Variants in CAPZB observed in about 807,000 individuals in gnomAD.
The protein encoded by CAPZB is capping actin protein of muscle Z-line subunit beta, also known as F-actin-capping protein subunit beta.
In CAPZB, 2 loss-of-function variants were observed where a neutral mutation model predicts 38.1. The ratio of observed to expected loss-of-function variants is 0.05; its 90% CI spans 0.02 to 0.17. The LOEUF (loss-of-function observed/expected upper bound fraction) is 0.17. Ranked by LOEUF, CAPZB falls within the 10% of genes least tolerant of loss-of-function variation. CAPZB has a pLI of 1.00. For missense variants in CAPZB, 161 were observed against 334.2 expected (o/e 0.48, Z 4.04); for synonymous variants, 107 against 127.4 (o/e 0.84, Z 1.08).
chr1:19,391,973 G>A (rs943475686), intron 2 of CAPZB, among the ~76,000 whole-genome samples: 2 of 152,160 alleles, frequency 1.3e-5, no homozygotes, highest in Admixed American at 6.5e-5. Context: ...TTGAGTTCAG[G>A]AGTTCAAGAC....
At chr1:19,442,103 C>T (rs1318842063) in intron 1 of CAPZB, among the ~76,000 whole-genome samples, 2 of 150,528 alleles carry the variant, frequency 1.3e-5, no homozygotes, top group Non-Finnish European at 2.9e-5. Context: ...AGGGCTCTGT[C>T]ATCTTTAAAC....
chr1:19,342,333 G>A (rs779544393), intron 8 of CAPZB, among the ~76,000 whole-genome samples: 4 of 152,240 alleles, frequency 2.6e-5, no homozygotes, highest in Non-Finnish European at 5.9e-5. Context: ...GCAGCGGGGA[G>A]GCTTATGTGG....
intron 8 of CAPZB, among the ~76,000 whole-genome samples, chr1:19,343,991 C>T (rs1169947388): frequency 2.0e-5 from 3 of 152,272 alleles, no homozygotes; most frequent in South Asian, 2.1e-4. Flanking sequence ...CAGAGGCAGC[C>T]GGGCTGCCCG....
rs60458604 is a variant in CAPZB, at chr1:19,422,729, A to AAACAACAACAACAAC, written c.4-2994_4-2980dup. On this transcript the variant is annotated intron_variant, in intron 1 of 8. Coordinates refer to ENST00000264202, the MANE Select transcript of CAPZB (RefSeq NM_004930.5). ...GCGACAGAGCGAGACTCCATCTCAA[A>AAACAACAACAACAAC]AACAACAACAACAACAACAACAACA... Among the ~76,000 whole-genome samples the AAACAACAACAACAAC allele has an allele frequency of 4.4e-3, 664 of 150,446 alleles. 7 individuals are homozygous for AAACAACAACAACAAC. The highest frequency in any genetic ancestry group is 0.021 in the South Asian group (99 of 4,702).
intron 1 of CAPZB, chr1:19,448,922 G>A (rs1227632263): frequency 5.6e-6 from 9 of 1,612,792 alleles, no homozygotes; most frequent in East Asian, 2.2e-5. Flanking sequence ...CATTGGAGGA[G>A]GTGATGGGTT....
At chr1:19,351,656 G>A (rs543089883) in intron 6 of CAPZB, among the ~76,000 whole-genome samples, 3 of 152,306 alleles carry the variant, frequency 2.0e-5, no homozygotes, top group East Asian at 1.9e-4. Flanking sequence ...AGGTCACACA[G>A]CTGGAAAGTT....
At chr1:19,423,363 G>A (rs2094408952) in intron 1 of CAPZB, among the ~76,000 whole-genome samples, 1 of 152,020 alleles carries the variant, frequency 6.6e-6, no homozygotes, top group Non-Finnish European at 1.5e-5. Context: ...ACCGGAGAAT[G>A]AAGCAGATGT....
chr1:19,402,814 G>A (rs1333933619), intron 2 of CAPZB, among the ~76,000 whole-genome samples: 1 of 152,170 alleles, frequency 6.6e-6, no homozygotes, highest in Non-Finnish European at 1.5e-5. Flanking sequence ...TTGGAAGGCC[G>A]AGGCGGGTAG....
chr1:19,359,138 C>T (rs1188082230), intron 4 of CAPZB, among the ~76,000 whole-genome samples: 2 of 149,802 alleles, frequency 1.3e-5, no homozygotes, highest in African/African-American at 4.9e-5. Context: ...TATGTCTCAC[C>T]AAAGCTATTA....
chr1:19,362,648 AAAAGAAAAAAG>A (rs1199513279), intron 4 of CAPZB, among the ~76,000 whole-genome samples: 1 of 152,118 alleles, frequency 6.6e-6, no homozygotes, highest in Non-Finnish European at 1.5e-5. Context: ...CTCTATAAAA[AAAAGAAAAAAG>A]AAAGAAAAAA....
intron 4 of CAPZB, among the ~76,000 whole-genome samples, chr1:19,370,969 G>A (rs1205780035): frequency 3.3e-5 from 5 of 152,160 alleles, no homozygotes; most frequent in African/African-American, 1.2e-4. Context: ...CCCCATGAGG[G>A]AGGGACTGGG....
At chr1:19,355,268 C>T (rs937148604) in intron 6 of CAPZB, among the ~76,000 whole-genome samples, 22 of 152,068 alleles carry the variant, frequency 1.4e-4, no homozygotes, top group South Asian at 4.2e-4. Context: ...CCGAGGTGGG[C>T]GGATCACTTG....
intron 1 of CAPZB, among the ~76,000 whole-genome samples, chr1:19,422,242 T>C (rs1180620806): frequency 6.6e-6 from 1 of 152,132 alleles, no homozygotes; most frequent in Admixed American, 6.5e-5. Flanking sequence ...AAGAAACTAC[T>C]GACATCTAAT....
chr1:19,412,320 G>C (rs1207941846), intron 2 of CAPZB, among the ~76,000 whole-genome samples: 1 of 152,186 alleles, frequency 6.6e-6, no homozygotes, highest in African/African-American at 2.4e-5. Context: ...CCCTAGGATG[G>C]GTAGGAGAGA....
intron 1 of CAPZB, among the ~76,000 whole-genome samples, chr1:19,464,216 G>C (rs2094561692): frequency 6.7e-6 from 1 of 149,204 alleles, no homozygotes; most frequent in Non-Finnish European, 1.5e-5. Context: ...AGAAAAGAAA[G>C]AGAGGAGCAA....
At chr1:19,417,751 C>T (rs1438800983) in intron 2 of CAPZB, among the ~76,000 whole-genome samples, 8 of 152,094 alleles carry the variant, frequency 5.3e-5, no homozygotes, top group South Asian at 2.1e-4. Flanking sequence ...CCACACTGCC[C>T]GACCGCCCCC....
intron 4 of CAPZB, among the ~76,000 whole-genome samples, 191 bp downstream of exon 4, chr1:19,378,349 T>A (rs1426589704): frequency 3.3e-5 from 5 of 152,154 alleles, no homozygotes; most frequent in Non-Finnish European, 7.4e-5. Context: ...GTGCCCTGCA[T>A]CCTGCTATGG....
At chr1:19,426,075 G>A (rs1363198887) in intron 1 of CAPZB, among the ~76,000 whole-genome samples, 1 of 152,200 alleles carries the variant, frequency 6.6e-6, no homozygotes, top group Admixed American at 6.5e-5. Context: ...TGGAGGAGGA[G>A]GTGGGGAACC....
At chr1:19,457,215 G>A (rs140579045) in intron 1 of CAPZB, among the ~76,000 whole-genome samples, 3 of 152,264 alleles carry the variant, frequency 2.0e-5, no homozygotes, top group Admixed American at 6.5e-5. Flanking sequence ...TGAGGTTTAC[G>A]GCTGATTAGG....
Sources: allele counts gnomAD v4.1 joint callset (sites outside exome capture counted in the v4.1 genomes callset), GRCh38; gene constraint gnomAD v4.1.1; transcripts MANE v1.5; gene names NCBI Gene and HGNC (gene_info 2026-07-23, HGNC 2026-07-21).